The following IQGAP2 variants were observed in gnomAD, a reference collection of about 807,000 sequenced individuals.
IQGAP2 encodes the protein IQ motif containing GTPase activating protein 2, also known as ras GTPase-activating-like protein IQGAP2.
A neutral mutation model predicts 201.3 loss-of-function variants in IQGAP2; 173 were observed. The ratio of observed to expected loss-of-function variants is 0.86; its 90% CI spans 0.76 to 0.98. The LOEUF (loss-of-function observed/expected upper bound fraction) is 0.98. Among genes scored for constraint, IQGAP2 ranks in the 50% least tolerant of loss-of-function variants. The pLI is 0.00. For synonymous variants in IQGAP2, 675 were observed against 673.9 expected, an observed-to-expected ratio of 1.00 and a Z score of -0.03; for missense variants, 1,687 against 1,864.8, an observed-to-expected ratio of 0.90 and a Z score of 1.76.
At chr5:76,466,686 G>A (rs948518036) in intron 2 of IQGAP2, among the ~76,000 whole-genome samples, 16 of 152,126 alleles carry the variant, frequency 1.1e-4, no homozygotes, top group African/African-American at 2.2e-4. Flanking sequence ...GCCTCACACC[G>A]TATACAAACA....
intron 2 of IQGAP2, among the ~76,000 whole-genome samples, chr5:76,480,555 A>G (rs1755712880): frequency 6.6e-6 from 1 of 152,152 alleles, no homozygotes; most frequent in Non-Finnish European, 1.5e-5. Context: ...TGTCATGTAT[A>G]ACAGAATAGC....
rs953665032 is a variant in IQGAP2 at position 76,654,400 on chromosome 5, A to G, written c.2250+129A>G. 5 of 595,402 alleles carry G rather than the reference A, an allele frequency of 8.4e-6. No homozygotes were observed. In the Admixed American group the frequency reaches 9.9e-5, roughly 12 times the overall value. The allele number at this position is 595,402 out of a possible 1,614,324, so 36.9% of individuals were successfully genotyped here. On this transcript the variant is annotated intron_variant, in intron 19 of 35. Transcript: ENST00000274364. ...ACACTTAAGAAATAATGGATCTTAG[A>G]ACTTCATATGATAATATTTGGAGGC...
At chr5:76,443,414 A>G (rs1485555806) in intron 1 of IQGAP2, among the ~76,000 whole-genome samples, 1 of 152,028 alleles carries the variant, frequency 6.6e-6, no homozygotes, top group African/African-American at 2.4e-5. Flanking sequence ...TGAACTTAGG[A>G]ATTCCAGTTC....
chr5:76,617,449 G>T, intron 13 of IQGAP2: 1 of 672,988 alleles, frequency 1.5e-6, no homozygotes. Context: ...AACTACTAAT[G>T]CTTTTGTAAT....
chr5:76,664,046 T>C (rs182380762), intron 21 of IQGAP2, among the ~76,000 whole-genome samples: 1 of 152,392 alleles, frequency 6.6e-6, no homozygotes, highest in Admixed American at 6.5e-5. Context: ...GCATTTTTAA[T>C]TTCTCTCAAG....
chr5:76,461,380 A>T (rs1018063379), intron 1 of IQGAP2, among the ~76,000 whole-genome samples, 190 bp from the exon 2 acceptor site: 22 of 150,986 alleles, frequency 1.5e-4, no homozygotes, highest in African/African-American at 4.4e-4. Context: ...AAAAAAAAAA[A>T]ATAAAAATAA....
At chr5:76,444,770 T>C (rs1160976945) in intron 1 of IQGAP2, among the ~76,000 whole-genome samples, 3 of 152,224 alleles carry the variant, frequency 2.0e-5, no homozygotes, top group Non-Finnish European at 2.9e-5. Context: ...GATAAATGAC[T>C]TGCTCAAGAT....
At chr5:76,567,326 C>T (rs918998521) in intron 3 of IQGAP2, among the ~76,000 whole-genome samples, 5 of 152,280 alleles carry the variant, frequency 3.3e-5, no homozygotes, top group East Asian at 1.9e-4. Flanking sequence ...TTTCGGATTT[C>T]GGATTTTGGG....
At chr5:76,560,978 C>T (rs1314700320) in intron 2 of IQGAP2, among the ~76,000 whole-genome samples, 1 of 152,122 alleles carries the variant, frequency 6.6e-6, no homozygotes, top group Non-Finnish European at 1.5e-5. Flanking sequence ...TAAAACAGAA[C>T]AATTATAACA....
chr5:76,432,128 C>CTTCTTTTT (rs747351875), intron 1 of IQGAP2, among the ~76,000 whole-genome samples: 6 of 95,300 alleles, frequency 6.3e-5, no homozygotes, highest in Non-Finnish European at 1.0e-4. Context: ...TTTCTTTCTT[C>CTTCTTTTT]TTTTTTTTTT....
chr5:76,682,466 T>TA (rs113958575), intron 28 of IQGAP2, among the ~76,000 whole-genome samples: 4,660 of 138,202 alleles, frequency 0.034, 168 homozygotes, highest in African/African-American at 0.086. Flanking sequence ...TTGTTTAAAT[T>TA]AAAAAAAAAA....
chr5:76,540,063 TGGAGG>T (rs1208443501), intron 2 of IQGAP2, among the ~76,000 whole-genome samples: 3 of 152,114 alleles, frequency 2.0e-5, no homozygotes, highest in Non-Finnish European at 4.4e-5. Flanking sequence ...CTGCAGGAAT[TGGAGG>T]TTCAAAGCGC....
At position 76,623,407 on chromosome 5, in the gene IQGAP2, G is replaced by A. The variant is rs560643465; in HGVS notation, c.1522-4003G>A. 1,212 of 643,604 alleles carry A rather than the reference G, an allele frequency of 1.9e-3. 4 individuals are homozygous for A. Among genetic ancestry groups the A allele is most frequent in the Non-Finnish European group, 2.5e-3 (948 of 373,820 alleles). The allele number at this position is 643,604 out of a possible 1,614,324, so 39.9% of individuals were successfully genotyped here. On this transcript the variant is annotated intron_variant, in intron 13 of 35. Coordinates refer to ENST00000274364, the MANE Select transcript of IQGAP2 (RefSeq NM_006633.5). ...CCCTGGTCCTCCGCAGGGAAAGGAT[G>A]TAATCCACTCGATGCTTCAGTAAGC...
chr5:76,451,716 A>T (rs559574947), intron 1 of IQGAP2, among the ~76,000 whole-genome samples: 3 of 151,976 alleles, frequency 2.0e-5, no homozygotes, highest in East Asian at 1.9e-4. Flanking sequence ...CATTATTATT[A>T]TTTTTTTTTC....
chr5:76,484,418 C>T (rs1293163046), intron 2 of IQGAP2, among the ~76,000 whole-genome samples: 1 of 152,128 alleles, frequency 6.6e-6, no homozygotes, highest in Non-Finnish European at 1.5e-5. Context: ...TTCTGCTTCC[C>T]ACTTGAGAGT....
At chr5:76,674,101 A>G in intron 26 of IQGAP2, 65 bp downstream of exon 26, 2 of 889,390 alleles carry the variant, frequency 2.2e-6, no homozygotes, top group South Asian at 1.4e-5. Context: ...TTACCAACAT[A>G]TAACTTTGTA....
chr5:76,516,412 T>A (rs528380273), intron 2 of IQGAP2, among the ~76,000 whole-genome samples: 1 of 152,310 alleles, frequency 6.6e-6, no homozygotes, highest in South Asian at 2.1e-4. Flanking sequence ...CTTATAAAAA[T>A]CATCAAGCTA....
chr5:76,492,896 G>A (rs547400173), intron 2 of IQGAP2, among the ~76,000 whole-genome samples: 1 of 152,300 alleles, frequency 6.6e-6, no homozygotes, highest in African/African-American at 2.4e-5. Context: ...CGTTTCTAGT[G>A]AGAAGATTCC....
intron 2 of IQGAP2, among the ~76,000 whole-genome samples, chr5:76,496,580 G>A (rs917094604): frequency 2.0e-5 from 3 of 152,202 alleles, no homozygotes; most frequent in African/African-American, 7.2e-5. Context: ...GGGCCTACAC[G>A]AAGGTGTGAA....
Sources: gnomAD v4.1 joint callset for allele counts (sites outside exome capture counted in the v4.1 genomes callset) on GRCh38, gnomAD v4.1.1 for gene constraint, MANE v1.5 for transcripts, NCBI Gene and HGNC (gene_info 2026-07-23, HGNC 2026-07-21) for gene names.